The following PAFAH1B1 variants were observed in gnomAD, a reference collection of about 807,000 sequenced individuals.
The protein encoded by PAFAH1B1 is platelet activating factor acetylhydrolase 1b regulatory subunit 1.
In PAFAH1B1, 2 loss-of-function variants were observed where a neutral mutation model predicts 57.5. The ratio of observed to expected loss-of-function variants is 0.03; its 90% CI spans 0.01 to 0.11. The LOEUF (loss-of-function observed/expected upper bound fraction) is 0.11. Among genes scored for constraint, PAFAH1B1 ranks in the 10% least tolerant of loss-of-function variants. The pLI is 1.00. For synonymous variants in PAFAH1B1, 152 were observed against 169.6 expected (o/e 0.90, Z 0.81); for missense variants, 257 against 512.0 (o/e 0.50, Z 4.81).
intron 5 of PAFAH1B1, among the ~76,000 whole-genome samples, chr17:2,669,685 A>G (rs1292143280): frequency 2.0e-5 from 3 of 152,158 alleles, no homozygotes; most frequent in Admixed American, 2.0e-4. Context: ...AGTAGGATCG[A>G]GTATTCATCC....
At chr17:2,674,320 A>G in intron 8 of PAFAH1B1, 32 bp downstream of exon 8, 1 of 1,494,046 alleles carries the variant, frequency 6.7e-7, no homozygotes, top group Non-Finnish European at 9.3e-7. Context: ...TCATGGTTTT[A>G]TTGCTGATAT....
At chr17:2,669,611 G>A (rs1002900475) in intron 5 of PAFAH1B1, among the ~76,000 whole-genome samples, 2 of 152,206 alleles carry the variant, frequency 1.3e-5, no homozygotes, top group Middle Eastern at 3.4e-3. Flanking sequence ...TTTGCTATTC[G>A]TGAACAGTTA....
intron 9 of PAFAH1B1, 146 bp downstream of exon 9, chr17:2,676,752 T>C (rs367646876): frequency 2.9e-6 from 2 of 682,262 alleles, no homozygotes; most frequent in East Asian, 2.7e-5. Flanking sequence ...TTAGCTTTTG[T>C]TGTTGTTATA....
chr17:2,628,665 AC>A (rs1470557582), intron 1 of PAFAH1B1, among the ~76,000 whole-genome samples: 1 of 152,138 alleles, frequency 6.6e-6, no homozygotes, highest in Non-Finnish European at 1.5e-5. Context: ...AAGAATTGGT[AC>A]CAACTCTTCT....
intron 8 of PAFAH1B1, among the ~76,000 whole-genome samples, chr17:2,675,108 T>A (rs2069242542): frequency 2.0e-5 from 3 of 152,212 alleles, no homozygotes; most frequent in South Asian, 4.1e-4. Context: ...TTCAGGCGAT[T>A]CTCCTGCCTC....
intron 1 of PAFAH1B1, among the ~76,000 whole-genome samples, chr17:2,598,320 A>G (rs900204276): frequency 1.3e-5 from 2 of 152,148 alleles, no homozygotes; most frequent in African/African-American, 4.8e-5. Context: ...ATTAGGGCAG[A>G]GTGAATTTTC....
intron 1 of PAFAH1B1, among the ~76,000 whole-genome samples, chr17:2,610,072 C>T (rs2068250479): frequency 1.3e-5 from 2 of 152,232 alleles, no homozygotes; most frequent in African/African-American, 2.4e-5. Context: ...TATTTGCCCA[C>T]CTCAGCTTCC....
In PAFAH1B1 at chr17:2,665,297, AT is replaced by A. The variant is rs1011641074; in HGVS notation, c.33-71del. The A allele has an allele frequency of 5.3e-5, 45 of 849,930 alleles. No individual in the cohort carries two copies. The African/African-American group carries it at 7.2e-4, about 14-fold the overall frequency. The allele number at this position is 849,930 out of a possible 1,614,324, so 52.6% of individuals were successfully genotyped here. A position where few individuals can be genotyped will look rare whatever the true frequency, so the allele number is the denominator to read the frequency against. On this transcript the variant is annotated intron_variant, in intron 2 of 10. Coordinates refer to ENST00000397195, the MANE Select transcript of PAFAH1B1 (RefSeq NM_000430.4). ...AAAGAGTATCTTCAGGGTTAATGAG[AT>A]TTTAAATAAATTCTATTTCTTCAGA...
At chr17:2,681,646 T>A in intron 10 of PAFAH1B1, 83 bp from the exon 11 acceptor site, 1 of 1,062,714 alleles carries the variant, frequency 9.4e-7, no homozygotes, top group Non-Finnish European at 1.4e-6. Context: ...TTTAATTTTG[T>A]ATTTTGTAGA....
At position 2,594,056 on chromosome 17, in the gene PAFAH1B1, C is replaced by T. The variant is rs1055593954; in HGVS notation, c.-191+50C>T. ...TCCCCTCTGTCTCCTCCACCGCGCC[C>T]GGGCGGCTGCAGGCCGGACCCGGCG... On this transcript the variant is annotated intron_variant, in intron 1 of 10. Transcript: ENST00000397195. The T allele has an allele frequency of 4.0e-5, 16 of 397,654 alleles. No homozygotes were observed. The East Asian group carries it at 4.3e-4, about 11-fold the overall frequency. 24.6% of individuals were successfully genotyped at this position (397,654 alleles called of 1,614,324 possible).
intron 1 of PAFAH1B1, chr17:2,613,529 T>C: frequency 3.8e-6 from 1 of 261,178 alleles, no homozygotes; most frequent in Non-Finnish European, 7.7e-6. Flanking sequence ...CCTGGCCACC[T>C]GGGCCTGGGT....
intron 1 of PAFAH1B1, among the ~76,000 whole-genome samples, chr17:2,633,467 C>T (rs1305045388): frequency 2.0e-5 from 3 of 151,252 alleles, no homozygotes; most frequent in Admixed American, 6.6e-5. Context: ...TGTGCCCAGC[C>T]AGGATTTCTT....
At chr17:2,652,082 T>C (rs1381537338) in intron 2 of PAFAH1B1, among the ~76,000 whole-genome samples, 1 of 152,186 alleles carries the variant, frequency 6.6e-6, no homozygotes, top group Non-Finnish European at 1.5e-5. Flanking sequence ...GCTTGTATCC[T>C]TTTCAGATTG....
intron 2 of PAFAH1B1, chr17:2,659,520 CAAA>C (rs1162326785): frequency 0.01 from 441 of 42,690 alleles, no homozygotes; most frequent in South Asian, 0.043. Flanking sequence ...ACTGCCTCGC[CAAA>C]AAAAAAAAAA....
At chr17:2,674,504 C>T (rs989368928) in intron 8 of PAFAH1B1, among the ~76,000 whole-genome samples, 8 of 152,084 alleles carry the variant, frequency 5.3e-5, no homozygotes, top group East Asian at 3.8e-4. Context: ...TGATTTGATA[C>T]GTGATGGGTA....
chr17:2,676,490 T>C lies in PAFAH1B1; in HGVS notation c.901-15T>C. 6.5e-7 allele frequency: 1 copy of C among 1,529,978 alleles called. No individual in the cohort carries two copies. The highest frequency in any genetic ancestry group is 9.1e-7 in the Non-Finnish European group (1 of 1,104,510). The allele number at this position is 1,529,978 out of a possible 1,614,324, so 94.8% of individuals were successfully genotyped here. A position where few individuals can be genotyped will look rare whatever the true frequency, so the allele number is the denominator to read the frequency against. On this transcript the variant is annotated splice_polypyrimidine_tract_variant and intron_variant, in intron 8 of 10. Transcript: ENST00000397195. ...TCTTGTGTGGGAAACTTAATTTTTA[T>C]TATGTTTTCTGTAGACTAAAAAAAG...
At position 2,593,745 on chromosome 17, in the gene PAFAH1B1, A is replaced by C; in HGVS notation, c.-452A>C. 2.9e-6 allele frequency: 1 copy of C among 339,524 alleles called. No homozygotes were observed. Among genetic ancestry groups the C allele is most frequent in the African/African-American group, 2.2e-5 (1 of 46,290 alleles). The allele number at this position is 339,524 out of a possible 1,614,324, so 21.0% of individuals were successfully genotyped here. ...GGAGCAGCGACACGGGAGTCTAGGGAGCGAGAAGGAGAAGGAGGGGAGCGC... is the reference window on the plus strand; with the variant it reads ...GGAGCAGCGACACGGGAGTCTAGGGCGCGAGAAGGAGAAGGAGGGGAGCGC... On this transcript the variant is annotated 5_prime_UTR_variant, in exon 1 of 11. Transcript: ENST00000397195.
At chr17:2,617,825 C>T (rs1215007791) in intron 1 of PAFAH1B1, among the ~76,000 whole-genome samples, 1 of 152,064 alleles carries the variant, frequency 6.6e-6, no homozygotes, top group Admixed American at 6.6e-5. Context: ...GAGGCTGAGG[C>T]AGGAGAATTG....
At chr17:2,638,406 T>G in intron 2 of PAFAH1B1, 86 bp downstream of exon 2, 1 of 1,069,572 alleles carries the variant, frequency 9.3e-7, no homozygotes, top group Non-Finnish European at 1.4e-6. Flanking sequence ...GGGAGGTCTC[T>G]TCTAAGATTA....
Sources: allele counts gnomAD v4.1 joint callset (sites outside exome capture counted in the v4.1 genomes callset), GRCh38; gene constraint gnomAD v4.1.1; transcripts MANE v1.5; gene names NCBI Gene and HGNC (gene_info 2026-07-23, HGNC 2026-07-21).